The following CSMD1 variants were observed in gnomAD, a reference collection of about 807,000 sequenced individuals.
CSMD1 encodes CUB and Sushi multiple domains 1, also known as CUB and sushi domain-containing protein 1.
CSMD1 carries 213 observed loss-of-function variants against 417.5 expected under a neutral mutation model. The observed-to-expected ratio is 0.51, with a 90% confidence interval of 0.46 to 0.57. The LOEUF (loss-of-function observed/expected upper bound fraction) is 0.57. CSMD1 is among the 20% of genes least tolerant of loss of function. The probability of loss-of-function intolerance (pLI) is 0.00; values close to 1 mark genes in which losing one functional copy is unlikely to be tolerated. For missense variants in CSMD1, 6,923 were observed against 4,529.7 expected (o/e 1.53, Z -15.17); for synonymous variants, 2,862 against 1,736.8 (o/e 1.65, Z -16.11).
In CSMD1 at chr8:3,103,465, C is replaced by G. The variant is rs559882823; in HGVS notation, c.6949+3063G>C. ...AGACTGTACTGAAGACTGTAGGCAA[C>G]TGGAACACAAGGGTAAGCATTCTCA... On this transcript the variant is annotated intron_variant, in intron 46 of 69. Coordinates refer to ENST00000635120, the MANE Select transcript of CSMD1 (RefSeq NM_033225.6). Among the ~76,000 whole-genome samples, 5 of 152,206 alleles carry G rather than the reference C, an allele frequency of 3.3e-5. No homozygotes were observed. In the South Asian group the frequency reaches 6.2e-4, roughly 19 times the overall value.
intron 33 of CSMD1, among the ~76,000 whole-genome samples, chr8:3,193,456 C>A (rs977741099): frequency 1.3e-5 from 2 of 152,098 alleles, no homozygotes; most frequent in Non-Finnish European, 2.9e-5. Flanking sequence ...CTCCACGGAA[C>A]GTCTGGGAAG....
In CSMD1 at chr8:4,876,705, T is replaced by A. The variant is rs541075860; in HGVS notation, c.85+117627A>T. Among the ~76,000 whole-genome samples the A allele has an allele frequency of 8.9e-4, 136 of 152,190 alleles. 3 individuals carry two copies. The South Asian group carries it at 0.018, about 20-fold the overall frequency. The stretch of plus-strand genomic sequence containing the variant: ...GCATATAGTCTCCTTCTGTGCTAAT[T>A]TCTAAGACAATATCATGACCTCTTT... On this transcript the variant is annotated intron_variant, in intron 1 of 69. Coordinates refer to ENST00000635120, the MANE Select transcript of CSMD1 (RefSeq NM_033225.6).
At chr8:3,249,700 G>C (rs1800131069) in intron 26 of CSMD1, among the ~76,000 whole-genome samples, 1 of 152,198 alleles carries the variant, frequency 6.6e-6, no homozygotes, top group African/African-American at 2.4e-5. Flanking sequence ...GAGTGAAAAA[G>C]AAATAATAGA....
chr8:4,946,572 A>T (rs1355035901), intron 1 of CSMD1, among the ~76,000 whole-genome samples: 3 of 152,348 alleles, frequency 2.0e-5, no homozygotes, highest in East Asian at 3.9e-4. Context: ...ACTCTGTATA[A>T]GTGAATAGAA....
At chr8:3,916,527 C>T (rs368641424) in intron 5 of CSMD1, among the ~76,000 whole-genome samples, 52 of 152,054 alleles carry the variant, frequency 3.4e-4, no homozygotes, top group African/African-American at 1.2e-3. Context: ...AGGGATACGC[C>T]TAGGTTGAAA....
intron 5 of CSMD1, among the ~76,000 whole-genome samples, chr8:3,838,181 C>A (rs1251731060): frequency 6.6e-6 from 1 of 152,056 alleles, no homozygotes; most frequent in Non-Finnish European, 1.5e-5. Context: ...GAATCAGACA[C>A]AGACCCTGCC....
chr8:4,985,734 T>C (rs901439235), intron 1 of CSMD1, among the ~76,000 whole-genome samples: 1 of 152,228 alleles, frequency 6.6e-6, no homozygotes, highest in Non-Finnish European at 1.5e-5. Context: ...AAATCTGTAT[T>C]GTTTCCATGT....
chr8:4,282,844 T>C (rs918345438), intron 3 of CSMD1, among the ~76,000 whole-genome samples: 1 of 152,210 alleles, frequency 6.6e-6, no homozygotes, highest in African/African-American at 2.4e-5. Flanking sequence ...ATTCAGAATC[T>C]GACAAACGTT....
intron 3 of CSMD1, among the ~76,000 whole-genome samples, chr8:4,346,753 A>T (rs747297965): frequency 6.6e-6 from 1 of 152,196 alleles, no homozygotes; most frequent in Non-Finnish European, 1.5e-5. Context: ...AATTAACAGA[A>T]TTCTTATCAA....
chr8:4,827,201 C>G (rs753746358), intron 1 of CSMD1, among the ~76,000 whole-genome samples: 15 of 152,052 alleles, frequency 9.9e-5, no homozygotes, highest in Non-Finnish European at 1.5e-4. Context: ...CTGAAAACCT[C>G]AGAATGTATC....
At chr8:3,529,272 A>G (rs1225373252) in intron 10 of CSMD1, among the ~76,000 whole-genome samples, 1 of 152,042 alleles carries the variant, frequency 6.6e-6, no homozygotes, top group Non-Finnish European at 1.5e-5. Context: ...CTTTTCCATG[A>G]TTTTTTTGCA....
At chr8:3,982,135 G>C (rs148707800) in intron 5 of CSMD1, among the ~76,000 whole-genome samples, 1 of 149,630 alleles carries the variant, frequency 6.7e-6, no homozygotes, top group Admixed American at 6.7e-5. Flanking sequence ...TCCAGCCTGG[G>C]TGACACAGCG....
At chr8:4,957,899 T>C (rs1266791662) in intron 1 of CSMD1, among the ~76,000 whole-genome samples, 1 of 152,186 alleles carries the variant, frequency 6.6e-6, no homozygotes, top group East Asian at 1.9e-4. Flanking sequence ...TTGATAAAGC[T>C]GGTGTCTGTA....
intron 8 of CSMD1, among the ~76,000 whole-genome samples, chr8:3,589,650 A>T (rs1382690129): frequency 6.6e-6 from 1 of 151,856 alleles, no homozygotes; most frequent in Non-Finnish European, 1.5e-5. Context: ...ACAAAATTTC[A>T]CTTAGGAGAA....
At chr8:4,613,220 T>C (rs1322278546) in intron 2 of CSMD1, among the ~76,000 whole-genome samples, 1 of 152,190 alleles carries the variant, frequency 6.6e-6, no homozygotes, top group Non-Finnish European at 1.5e-5. Context: ...AAACAATTTG[T>C]TGAGTGTGTA....
chr8:3,209,616 G>A (rs1490396425), intron 30 of CSMD1, among the ~76,000 whole-genome samples: 2 of 152,130 alleles, frequency 1.3e-5, no homozygotes, highest in Non-Finnish European at 2.9e-5. Context: ...ACTGCACTCG[G>A]CTATTTAATT....
chr8:3,926,014 TACACACACAC>T (rs10635075), intron 5 of CSMD1, among the ~76,000 whole-genome samples: 5,223 of 123,452 alleles, frequency 0.042, 372 homozygotes, highest in African/African-American at 0.16. Flanking sequence ...TATTTGTCTA[TACACACACAC>T]ACACACACAC....
At chr8:3,854,687 G>C (rs1017882639) in intron 5 of CSMD1, among the ~76,000 whole-genome samples, 2 of 151,578 alleles carry the variant, frequency 1.3e-5, no homozygotes, top group Non-Finnish European at 2.9e-5. Context: ...GAGTGGGCGA[G>C]AAGGGAGTCG....
At chr8:3,399,713 C>G (rs1462683329) in intron 15 of CSMD1, among the ~76,000 whole-genome samples, 184 bp from the exon 16 acceptor site, 1 of 152,188 alleles carries the variant, frequency 6.6e-6, no homozygotes, top group Non-Finnish European at 1.5e-5. Context: ...TATGCTACCT[C>G]CATGTACTTA....
Sources: gnomAD v4.1 joint callset for allele counts (sites outside exome capture counted in the v4.1 genomes callset) on GRCh38, gnomAD v4.1.1 for gene constraint, MANE v1.5 for transcripts, NCBI Gene and HGNC (gene_info 2026-07-23, HGNC 2026-07-21) for gene names.